RIMBP2: variants seen among roughly 807,000 people sequenced by gnomAD.
The protein encoded by RIMBP2 is RIMS-binding protein 2.
In RIMBP2, 48 loss-of-function variants were observed where a neutral mutation model predicts 118.6. The observed-to-expected ratio is 0.40, with a 90% CI of 0.32 to 0.51. The LOEUF is 0.51. Ranked by LOEUF, RIMBP2 falls within the 20% of genes least tolerant of loss-of-function variation. The probability of loss-of-function intolerance (pLI) is 0.41; values close to 1 mark genes in which losing one functional copy is unlikely to be tolerated. For missense variants in RIMBP2, 1,551 were observed against 1,768.3 expected, an observed-to-expected ratio of 0.88 and a Z score of 2.20; for synonymous variants, 762 against 742.9, an observed-to-expected ratio of 1.03 and a Z score of -0.42.
chr12:130,497,171 T>C (rs994037816), intron 4 of RIMBP2, among the ~76,000 whole-genome samples: 1 of 152,192 alleles, frequency 6.6e-6, no homozygotes, highest in Admixed American at 6.5e-5. Context: ...CTCCCTGATG[T>C]GCGACCGCAC....
intron 2 of RIMBP2, among the ~76,000 whole-genome samples, chr12:130,612,877 G>A (rs939073507): frequency 6.6e-6 from 1 of 152,066 alleles, no homozygotes; most frequent in African/African-American, 2.4e-5. Flanking sequence ...AGTCCGGATG[G>A]GTAAAACAGC....
chr12:130,408,740 T>G (rs538122621), intron 19 of RIMBP2, among the ~76,000 whole-genome samples: 1 of 152,354 alleles, frequency 6.6e-6, no homozygotes, highest in South Asian at 2.1e-4. Flanking sequence ...TATGTGTTTC[T>G]TCTAAACACA....
intron 1 of RIMBP2, among the ~76,000 whole-genome samples, chr12:130,648,786 A>T (rs1479216342): frequency 2.1e-5 from 3 of 143,748 alleles, no homozygotes; most frequent in African/African-American, 7.4e-5. Flanking sequence ...CCTCCCGAGT[A>T]GCTGGGATTA....
chr12:130,711,328 G>GA (rs1175147098), intron 1 of RIMBP2, among the ~76,000 whole-genome samples: 3 of 152,176 alleles, frequency 2.0e-5, no homozygotes, highest in East Asian at 1.9e-4. Flanking sequence ...CTTGTCCAGG[G>GA]AAAAATTAAG....
intron 2 of RIMBP2, among the ~76,000 whole-genome samples, chr12:130,568,747 C>T (rs1018110382): frequency 6.6e-6 from 1 of 152,158 alleles, no homozygotes; most frequent in Non-Finnish European, 1.5e-5. Context: ...ATGTTTCTTA[C>T]GTAAATGATT....
intron 2 of RIMBP2, among the ~76,000 whole-genome samples, chr12:130,608,105 A>G (rs1181287725): frequency 6.6e-6 from 1 of 152,228 alleles, no homozygotes; most frequent in Non-Finnish European, 1.5e-5. Context: ...TCAACCTTCC[A>G]TGTCTGACCT....
intron 9 of RIMBP2, among the ~76,000 whole-genome samples, chr12:130,445,801 T>C (rs1203989309): frequency 2.0e-5 from 3 of 152,244 alleles, no homozygotes; most frequent in Admixed American, 2.0e-4. Context: ...ATTTAACCAG[T>C]TTCCTAATGT....
chr12:130,700,457 G>C (rs531844924), intron 1 of RIMBP2, among the ~76,000 whole-genome samples: 2 of 152,244 alleles, frequency 1.3e-5, no homozygotes, highest in Admixed American at 1.3e-4. Context: ...CAATTCTTAA[G>C]GTAGGAATTC....
intron 2 of RIMBP2, among the ~76,000 whole-genome samples, chr12:130,573,258 A>T (rs928834901): frequency 5.3e-5 from 8 of 151,970 alleles, no homozygotes; most frequent in African/African-American, 1.9e-4. Flanking sequence ...ATTGTAAATA[A>T]CAAAGTAAAA....
chr12:130,445,811 T>G (rs1020742917), intron 9 of RIMBP2, among the ~76,000 whole-genome samples: 22 of 152,358 alleles, frequency 1.4e-4, no homozygotes, highest in African/African-American at 5.3e-4. Context: ...TTTCCTAATG[T>G]TGGGCAGTGA....
intron 17 of RIMBP2, among the ~76,000 whole-genome samples, chr12:130,418,352 T>A (rs1313678874): frequency 2.0e-5 from 3 of 152,168 alleles, no homozygotes; most frequent in Admixed American, 1.3e-4. Context: ...TAGTTTCAAG[T>A]GGTATCTGAG....
At chr12:130,585,689 T>G (rs2058839456) in intron 2 of RIMBP2, among the ~76,000 whole-genome samples, 1 of 152,022 alleles carries the variant, frequency 6.6e-6, no homozygotes, top group Non-Finnish European at 1.5e-5. Flanking sequence ...CTAACATCTT[T>G]TGAAAAATCC....
chr12:130,449,900 G>A (rs2078853812), intron 9 of RIMBP2, among the ~76,000 whole-genome samples: 1 of 152,078 alleles, frequency 6.6e-6, no homozygotes, highest in African/African-American at 2.4e-5. Flanking sequence ...GGAGCCCTCG[G>A]AGGGCGAGAC....
chr12:130,451,216 T>C lies in RIMBP2; in HGVS notation c.483A>G (p.Ala161=). The C allele has an allele frequency of 1.9e-6, 3 of 1,614,020 alleles. No homozygotes were observed. Among genetic ancestry groups the C allele is most frequent in the Non-Finnish European group, 2.5e-6 (3 of 1,179,948 alleles). ...KPTFLSRSGS[A]RCRSESDMEN... ...TCACGTCTGACTCAGATCTGCATCTTGCGCTACCGGATCTCGACAGGAAGG... is the reference window on the plus strand; with the variant it reads ...TCACGTCTGACTCAGATCTGCATCTCGCGCTACCGGATCTCGACAGGAAGG... Residue 161 remains alanine, a synonymous_variant, in exon 8 of 23, where the codon GCA becomes GCG. Coordinates refer to ENST00000690449, the MANE Select transcript of RIMBP2 (RefSeq NM_001393629.1).
chr12:130,645,972 A>G (rs1250122813), intron 1 of RIMBP2, among the ~76,000 whole-genome samples: 2 of 152,106 alleles, frequency 1.3e-5, no homozygotes, highest in Non-Finnish European at 2.9e-5. Flanking sequence ...AAAGAAGGAA[A>G]GAAAAAACCC....
chr12:130,490,107 G>C (rs966297490), intron 4 of RIMBP2, among the ~76,000 whole-genome samples: 3 of 130,946 alleles, frequency 2.3e-5, no homozygotes, highest in African/African-American at 8.9e-5. Context: ...CTGGGTGACA[G>C]AGCGAGACTC....
intron 1 of RIMBP2, among the ~76,000 whole-genome samples, chr12:130,698,998 C>T (rs1012621429): frequency 3.9e-5 from 6 of 152,058 alleles, no homozygotes; most frequent in Admixed American, 6.5e-5. Context: ...CATCACTGGC[C>T]ATCAGAGAAA....
intron 2 of RIMBP2, among the ~76,000 whole-genome samples, chr12:130,583,703 C>T (rs1440499554): frequency 6.7e-6 from 1 of 148,960 alleles, no homozygotes; most frequent in Admixed American, 6.7e-5. Context: ...CACCTCATCA[C>T]CACCACCGCC....
intron 1 of RIMBP2, among the ~76,000 whole-genome samples, chr12:130,680,104 C>A (rs545306492): frequency 1.2e-4 from 19 of 152,258 alleles, no homozygotes; most frequent in African/African-American, 4.1e-4. Context: ...TGAGACCATG[C>A]AGGCAATATG....
Sources: gnomAD v4.1 joint callset for allele counts (sites outside exome capture counted in the v4.1 genomes callset) on GRCh38, gnomAD v4.1.1 for gene constraint, MANE v1.5 for transcripts, NCBI Gene and HGNC (gene_info 2026-07-23, HGNC 2026-07-21) for gene names.